The following PLCE1 variants were observed in gnomAD, a reference collection of about 807,000 sequenced individuals.
PLCE1 encodes the protein phospholipase C epsilon 1.
PLCE1 carries 119 observed loss-of-function variants against 242.8 expected under a neutral mutation model. The ratio of observed to expected loss-of-function variants is 0.49; its 90% confidence interval spans 0.42 to 0.57. The LOEUF (loss-of-function observed/expected upper bound fraction) is 0.57, where lower values mean the gene tolerates loss of function less well. Among genes scored for constraint, PLCE1 ranks in the 20% least tolerant of loss-of-function variants. The pLI is 0.00. For missense variants in PLCE1, 2,441 were observed against 2,788.8 expected, an observed-to-expected ratio of 0.88 and a Z score of 2.81; for synonymous variants, 945 against 1,017.4, an observed-to-expected ratio of 0.93 and a Z score of 1.35.
rs762109366 is a variant in PLCE1, at chr10:94,324,502, T to C, written c.6655T>C (p.Phe2219Leu). Reference protein sequence around the residue: ...QRVLLDQECVFQAQSKWKGAG... With the variant: ...QRVLLDQECVLQAQSKWKGAG... ...GGTCCTTCTGGATCAGGAGTGTGTG[T>C]TTCAAGCCCAAAGCAAGTGGAAAGG... Residue 2219 changes from phenylalanine to leucine, a missense_variant, in exon 31 of 33, where the codon TTT becomes CTT. By Grantham distance (22) the Phe-to-Leu change is conservative. This residue lies in a region of PLCE1 where 310 missense variants were observed against 317.2 expected (regional missense o/e 0.98). Coordinates refer to ENST00000371380, the MANE Select transcript of PLCE1 (RefSeq NM_016341.4). The C allele has an allele frequency of 1.2e-6, 2 of 1,614,148 alleles. No individual in the cohort carries two copies. Among genetic ancestry groups the C allele is most frequent in the East Asian group, 2.2e-5 (1 of 44,880 alleles).
intron 4 of PLCE1, among the ~76,000 whole-genome samples, chr10:94,224,186 G>A (rs1217469255): frequency 6.6e-6 from 1 of 152,126 alleles, no homozygotes; most frequent in Non-Finnish European, 1.5e-5. Flanking sequence ...GGGCCCTGGG[G>A]ACTCACACTC....
intron 2 of PLCE1, among the ~76,000 whole-genome samples, chr10:94,098,300 A>G (rs2045391276): frequency 6.6e-6 from 1 of 152,200 alleles, no homozygotes; most frequent in Non-Finnish European, 1.5e-5. Flanking sequence ...CTCTTTACCC[A>G]TCACCTAGCT....
At chr10:94,180,781 G>A (rs2048287410) in intron 4 of PLCE1, among the ~76,000 whole-genome samples, 1 of 152,218 alleles carries the variant, frequency 6.6e-6, no homozygotes. Context: ...TTGTAAAAGA[G>A]ACTTCATGCA....
At chr10:94,107,902 A>C (rs1453586721) in intron 2 of PLCE1, 3 of 152,058 alleles carry the variant, frequency 2.0e-5, no homozygotes, top group Non-Finnish European at 4.4e-5. Flanking sequence ...GTTGTTATTT[A>C]TTTATTTTTT....
At chr10:94,060,801 GTCC>G (rs1026402269) in intron 2 of PLCE1, among the ~76,000 whole-genome samples, 2 of 151,136 alleles carry the variant, frequency 1.3e-5, no homozygotes, top group African/African-American at 4.9e-5. Flanking sequence ...GGCTCAAGTA[GTCC>G]TCCTACCTCA....
intron 3 of PLCE1, among the ~76,000 whole-genome samples, chr10:94,137,311 G>A (rs749342983): frequency 3.3e-5 from 5 of 152,124 alleles, no homozygotes; most frequent in East Asian, 3.8e-4. Context: ...TATTGACTTC[G>A]ATAATTAGGA....
At chr10:94,260,068 AAATTTGGGTGGGG>A (rs1483881861) in intron 13 of PLCE1, among the ~76,000 whole-genome samples, 1 of 152,132 alleles carries the variant, frequency 6.6e-6, no homozygotes, top group African/African-American at 2.4e-5. Flanking sequence ...ATTCAAGATG[AAATTTGGGTGGGG>A]ACACAGCCAA....
At chr10:94,135,557 C>T (rs1448527080) in intron 3 of PLCE1, among the ~76,000 whole-genome samples, 2 of 152,036 alleles carry the variant, frequency 1.3e-5, no homozygotes, top group African/African-American at 2.4e-5. Context: ...TTCCCAGGAG[C>T]GATATAGAAC....
chr10:94,211,185 G>A (rs542065508), intron 4 of PLCE1, among the ~76,000 whole-genome samples: 13 of 152,112 alleles, frequency 8.5e-5, no homozygotes, highest in Non-Finnish European at 1.5e-4. Flanking sequence ...CATCTTTTAG[G>A]CCATCTGAGG....
chr10:94,085,876 G>A (rs1212538262), intron 2 of PLCE1, among the ~76,000 whole-genome samples: 1 of 152,196 alleles, frequency 6.6e-6, no homozygotes, highest in African/African-American at 2.4e-5. Flanking sequence ...TGCTCAACTG[G>A]CAATGTGCCC....
chr10:94,073,040 C>T (rs868840334), intron 2 of PLCE1, among the ~76,000 whole-genome samples: 1 of 152,074 alleles, frequency 6.6e-6, no homozygotes, highest in Admixed American at 6.6e-5. Flanking sequence ...CCTCTCTGCC[C>T]CCCACTTCCT....
intron 1 of PLCE1, among the ~76,000 whole-genome samples, chr10:94,005,107 CT>C (rs1160027771): frequency 6.6e-6 from 1 of 152,166 alleles, no homozygotes; most frequent in Non-Finnish European, 1.5e-5. Context: ...TCGTTCCTTC[CT>C]TTTTGGAGAA....
intron 2 of PLCE1, among the ~76,000 whole-genome samples, chr10:94,073,406 A>G (rs945107709): frequency 3.3e-5 from 5 of 152,180 alleles, no homozygotes; most frequent in African/African-American, 1.2e-4. Context: ...ATTGTCAGGA[A>G]TGGCTTCATG....
intron 23 of PLCE1, among the ~76,000 whole-genome samples, chr10:94,296,365 C>CAA (rs35526010): frequency 1.0e-3 from 93 of 89,228 alleles, no homozygotes; most frequent in South Asian, 3.2e-3. Flanking sequence ...GACTCCATCT[C>CAA]AAAAAAAAAA....
At chr10:94,184,684 A>G (rs1351735492) in intron 4 of PLCE1, among the ~76,000 whole-genome samples, 1 of 152,106 alleles carries the variant, frequency 6.6e-6, no homozygotes, top group East Asian at 1.9e-4. Flanking sequence ...TTAGCCACAC[A>G]ACCTTTCATT....
chr10:94,059,391 A>C (rs763170506), intron 2 of PLCE1, among the ~76,000 whole-genome samples: 47 of 152,308 alleles, frequency 3.1e-4, no homozygotes, highest in Non-Finnish European at 6.5e-4. Context: ...TTATTGGAAC[A>C]TGATGACTCA....
At chr10:94,258,502 G>T (rs1589432245) in intron 11 of PLCE1, among the ~76,000 whole-genome samples, 1 of 152,222 alleles carries the variant, frequency 6.6e-6, no homozygotes, top group East Asian at 1.9e-4. Flanking sequence ...GAGTTATTTT[G>T]CCCATTGATC....
chr10:93,995,008 T>C (rs541234859), intron 1 of PLCE1, among the ~76,000 whole-genome samples: 90 of 152,272 alleles, frequency 5.9e-4, no homozygotes, highest in African/African-American at 2.1e-3. Context: ...TGCCCGTAGG[T>C]CTTTTAGATC....
At position 94,265,859 on chromosome 10, in the gene PLCE1, G is replaced by A. The variant is rs1199557355; in HGVS notation, c.4182G>A (p.Leu1394=). The A allele has an allele frequency of 6.2e-7, 1 of 1,613,834 alleles. No homozygotes were observed. The highest frequency in any genetic ancestry group is 8.5e-7 in the Non-Finnish European group (1 of 1,179,928). ...AGTCACAGGAGAACATTAAAGAACT[G>A]CAGCTACCCCTCTCATACTATTACA... ...NDESQENIKE[L]QLPLSYYYIE... is the part of the protein sequence containing the mutation. Residue 1394 remains leucine (L), a synonymous_variant, in exon 16 of 33, where the codon CTG becomes CTA. Coordinates refer to ENST00000371380, the MANE Select transcript of PLCE1 (RefSeq NM_016341.4).
Sources: allele counts gnomAD v4.1 joint callset (sites outside exome capture counted in the v4.1 genomes callset), GRCh38; gene constraint gnomAD v4.1.1; regional missense constraint gnomAD v4.1.1; transcripts MANE v1.5; gene names NCBI Gene and HGNC (gene_info 2026-07-23, HGNC 2026-07-21).